Variants in CTNND2 observed in about 807,000 individuals in gnomAD.
CTNND2 encodes the protein catenin delta 2.
Under a neutral mutation model 144.4 loss-of-function variants are expected in CTNND2, and 22 were observed. That is an observed-to-expected ratio of 0.15 (90% CI 0.11 to 0.22). The LOEUF is 0.22. Ranked by LOEUF, CTNND2 falls within the 10% of genes least tolerant of loss-of-function variation. CTNND2 has a pLI of 1.00. For missense variants in CTNND2, 1,353 were observed against 1,618.8 expected (o/e 0.84, Z 2.82); for synonymous variants, 751 against 695.6 (o/e 1.08, Z -1.25).
rs1300403054 is a variant in CTNND2 at position 11,397,158 on chromosome 5, G to A, written c.485C>T (p.Pro162Leu). The A allele has an allele frequency of 6.2e-7, 1 of 1,614,236 alleles. No individual in the cohort carries two copies. Among genetic ancestry groups the A allele is most frequent in the South Asian group, 1.1e-5 (1 of 91,086 alleles). ...SQSALQLNSK[P>L]EGSFQYPASY... ...GGCCGGATACTGGAAAGACCCTTCA[G>A]GTTTGGAATTGAGCTGAAGTGCACT... The change falls in exon 6 of 22, where the codon CCT (proline) becomes CTT (leucine). Residue 162 changes from proline (P) to leucine (L), a missense_variant. Coordinates refer to ENST00000304623, the MANE Select transcript of CTNND2 (RefSeq NM_001332.4).
chr5:11,526,270 T>C (rs1773238260), intron 3 of CTNND2, among the ~76,000 whole-genome samples: 1 of 152,232 alleles, frequency 6.6e-6, no homozygotes, highest in Non-Finnish European at 1.5e-5. Context: ...TGTTGAATAT[T>C]AGAAGCGTTT....
chr5:11,350,907 A>T (rs574268508), intron 8 of CTNND2, among the ~76,000 whole-genome samples: 6 of 152,346 alleles, frequency 3.9e-5, no homozygotes, highest in African/African-American at 1.4e-4. Flanking sequence ...TGTAGAGAAT[A>T]TTAAATAAAT....
chr5:11,146,526 T>C (rs10067858), intron 12 of CTNND2, among the ~76,000 whole-genome samples: 95,969 of 152,158 alleles, frequency 0.63, 30,294 homozygotes, highest in East Asian at 0.73. Flanking sequence ...AAAGACATAA[T>C]ATATCATTTA....
intron 9 of CTNND2, among the ~76,000 whole-genome samples, chr5:11,257,302 T>A (rs1744356646): frequency 6.6e-6 from 1 of 152,206 alleles, no homozygotes; most frequent in Admixed American, 6.5e-5. Context: ...CATTGGCACA[T>A]GTGATAAGAC....
At chr5:11,895,641 T>C (rs1467787665) in intron 1 of CTNND2, among the ~76,000 whole-genome samples, 1 of 143,906 alleles carries the variant, frequency 6.9e-6, no homozygotes, top group Non-Finnish European at 1.5e-5. Context: ...TGAGTAAGTT[T>C]AACTTCAAGC....
chr5:11,029,363 A>G lies in CTNND2; in HGVS notation c.2789-6384T>C, dbSNP rs1418664834. On this transcript the variant is annotated intron_variant, in intron 16 of 21. Transcript: ENST00000304623. ...CCTTGTAGCTTTTTTGTTTGTCCCT[A>G]ATTTCCTGCACCACTATCTCCTTTG... is the stretch of plus-strand genomic sequence containing the variant. 3.9e-5 allele frequency among the ~76,000 whole-genome samples: 6 copies of G among 152,058 alleles called. No homozygotes were observed. The East Asian group carries it at 1.2e-3, about 29-fold the overall frequency.
At chr5:11,127,554 G>A (rs1429245943) in intron 12 of CTNND2, among the ~76,000 whole-genome samples, 2 of 152,176 alleles carry the variant, frequency 1.3e-5, no homozygotes, top group East Asian at 3.9e-4. Context: ...GCTGACGTTC[G>A]ATAAGCTCTG....
intron 14 of CTNND2, among the ~76,000 whole-genome samples, chr5:11,102,844 G>A (rs1293058412): frequency 6.6e-6 from 1 of 151,978 alleles, no homozygotes; most frequent in African/African-American, 2.4e-5. Flanking sequence ...GCTTAGGAAG[G>A]AAATAACATA....
intron 15 of CTNND2, among the ~76,000 whole-genome samples, chr5:11,088,683 TG>T (rs1303324803): frequency 1.3e-5 from 2 of 152,200 alleles, no homozygotes; most frequent in Non-Finnish European, 2.9e-5. Context: ...GGGGCCCTAT[TG>T]ATAAGCCCTT....
chr5:11,541,100 C>G (rs144763371), intron 3 of CTNND2, among the ~76,000 whole-genome samples: 2 of 152,116 alleles, frequency 1.3e-5, no homozygotes, highest in South Asian at 2.1e-4. Context: ...AGAGCAGCAG[C>G]TTGAGAATAT....
At chr5:10,985,023 G>A (rs985984170) in intron 20 of CTNND2, among the ~76,000 whole-genome samples, 2 of 152,002 alleles carry the variant, frequency 1.3e-5, no homozygotes, top group African/African-American at 2.4e-5. Flanking sequence ...ACAGTGAGCT[G>A]AGATTGCGCC....
intron 2 of CTNND2, among the ~76,000 whole-genome samples, chr5:11,672,322 C>T (rs1783915120): frequency 6.6e-6 from 1 of 152,214 alleles, no homozygotes; most frequent in South Asian, 2.1e-4. Flanking sequence ...GCTGGGAGAA[C>T]TGCTGCTCTC....
chr5:11,576,429 T>G (rs1777976369), intron 2 of CTNND2, among the ~76,000 whole-genome samples: 1 of 150,408 alleles, frequency 6.6e-6, no homozygotes, highest in African/African-American at 2.4e-5. Flanking sequence ...ATATATAATT[T>G]TAAAAGGTTA....
chr5:11,723,411 T>C (rs1279295208), intron 2 of CTNND2, among the ~76,000 whole-genome samples: 1 of 152,142 alleles, frequency 6.6e-6, no homozygotes, highest in Non-Finnish European at 1.5e-5. Flanking sequence ...GATTCATCAG[T>C]CAATGGGCAC....
chr5:11,782,439 T>C (rs1009268982), intron 1 of CTNND2, among the ~76,000 whole-genome samples: 1 of 152,158 alleles, frequency 6.6e-6, no homozygotes, highest in Non-Finnish European at 1.5e-5. Flanking sequence ...TCCAGATATC[T>C]GAATGCACAC....
At chr5:11,667,215 C>T (rs148665285) in intron 2 of CTNND2, among the ~76,000 whole-genome samples, 1,805 of 152,156 alleles carry the variant, frequency 0.012, 28 homozygotes, top group African/African-American at 0.042. Flanking sequence ...TGAACAGTGC[C>T]GCAATAAACA....
chr5:11,249,378 G>C (rs535175483), intron 9 of CTNND2, among the ~76,000 whole-genome samples: 5 of 152,206 alleles, frequency 3.3e-5, no homozygotes, highest in South Asian at 2.1e-4. Context: ...GCGTTGAATA[G>C]ACTGACAAAA....
chr5:11,082,752 G>A lies in CTNND2; in HGVS notation c.2732C>T (p.Ala911Val), dbSNP rs761105150. Residue 911 changes from alanine to valine, a missense_variant, in exon 16 of 22, where the codon GCG (alanine) becomes GTG (valine). This residue lies in a region of CTNND2 where 459 missense variants were observed against 674.3 expected (regional missense o/e 0.68). Coordinates refer to ENST00000304623, the MANE Select transcript of CTNND2 (RefSeq NM_001332.4). ...LRIDNDRVVC[A>V]VATALRNMAL... ...CATGTTCCGCAGCGCAGTGGCCACC[G>A]CGCACACCACACGGTCATTGTCTAT... 13 of 1,614,138 alleles carry A rather than the reference G, an allele frequency of 8.1e-6. No homozygotes were observed. The highest frequency in any genetic ancestry group is 1.7e-5 in the Admixed American group (1 of 60,020).
rs73057710 is a variant in CTNND2, at chr5:11,626,637, T to C, written c.175-61581A>G. Among the ~76,000 whole-genome samples the C allele has an allele frequency of 6.1e-3, 933 of 152,276 alleles. 12 individuals carry two copies. The highest frequency in any genetic ancestry group is 0.021 in the African/African-American group (890 of 41,564). On this transcript the variant is annotated intron_variant, in intron 2 of 21. Transcript: ENST00000304623. The stretch of plus-strand genomic sequence containing the variant: ...TGGTGGCTGCCACTGTGTAATTATG[T>C]TCCTTCTCCTTAGAGAAGCAAAGAC...
Sources: gnomAD v4.1 joint callset for allele counts (sites outside exome capture counted in the v4.1 genomes callset) on GRCh38, gnomAD v4.1.1 for gene constraint, gnomAD v4.1.1 regional missense constraint, MANE v1.5 for transcripts, NCBI Gene and HGNC (gene_info 2026-07-23, HGNC 2026-07-21) for gene names.